DMD: variants seen among roughly 807,000 people sequenced by gnomAD.
DMD encodes mutant dystrophin.
Under a neutral mutation model 330.1 loss-of-function variants are expected in DMD, and 63 were observed. The ratio of observed to expected loss-of-function variants is 0.19; its 90% confidence interval spans 0.16 to 0.24. DMD has a LOEUF of 0.24. DMD is among the 10% of genes least tolerant of loss of function. The pLI is 1.00. For synonymous variants in DMD, 1,223 were observed against 959.8 expected (o/e 1.27, Z -5.07); for missense variants, 3,344 against 2,684.1 (o/e 1.25, Z -5.43).
chrX:31,689,199 T>C (rs2082924165), intron 52 of DMD, among the ~76,000 whole-genome samples: 2 of 112,017 alleles, frequency 1.8e-5, no homozygotes, highest in Non-Finnish European at 3.8e-5. Flanking sequence ...GCAGACGACA[T>C]GATTGTATAT....
At chrX:32,189,468 G>C (rs930009945) in intron 44 of DMD, among the ~76,000 whole-genome samples, 1 of 109,950 alleles carries the variant, frequency 9.1e-6, no homozygotes, top group Non-Finnish European at 1.9e-5. Flanking sequence ...GTCCATAGCT[G>C]CTTCCAATGC....
At chrX:32,523,833 T>C (rs1215427647) in intron 17 of DMD, among the ~76,000 whole-genome samples, 1 of 111,728 alleles carries the variant, frequency 9.0e-6, no homozygotes, top group Non-Finnish European at 1.9e-5. Flanking sequence ...TGCATGTTGA[T>C]GTAACTGTTA....
intron 51 of DMD, among the ~76,000 whole-genome samples, chrX:31,744,092 T>C (rs758043467): frequency 2.7e-5 from 3 of 111,354 alleles, no homozygotes; most frequent in African/African-American, 6.5e-5. Context: ...GGTCTCAAAC[T>C]TCTGGGCTAA....
intron 48 of DMD, among the ~76,000 whole-genome samples, chrX:31,849,682 T>C (rs1362225017): frequency 9.0e-6 from 1 of 110,561 alleles, no homozygotes; most frequent in East Asian, 2.8e-4. Context: ...GGAATGGCAC[T>C]TATGTTTTCC....
Position 32,614,294 on chromosome X carries a change from T to A in DMD, c.1482+9A>T. The A allele has an allele frequency of 8.3e-7, 1 of 1,208,224 alleles. No homozygotes were observed. The highest frequency in any genetic ancestry group is 1.1e-6 in the Non-Finnish European group (1 of 893,516). On this transcript the variant is annotated intron_variant, in intron 12 of 78. Transcript: ENST00000357033. ...CTAGTAGAAAGCACGCAACATAAGA[T>A]ACACCTACCTTATGTTGTTGTACTT... is the stretch of plus-strand genomic sequence containing the variant.
chrX:33,319,999 CTG>C, intron 1 of DMD, among the ~76,000 whole-genome samples: 1 of 111,661 alleles, frequency 9.0e-6, no homozygotes, highest in East Asian at 2.8e-4. Flanking sequence ...AGTTAGATGA[CTG>C]TATGGAATTT....
At chrX:31,197,510 T>G (rs775283665) in intron 67 of DMD, among the ~76,000 whole-genome samples, 7 of 112,471 alleles carry the variant, frequency 6.2e-5, no homozygotes, top group Non-Finnish European at 1.3e-4. Flanking sequence ...CATTCTACAT[T>G]ATTACAACAA....
intron 57 of DMD, among the ~76,000 whole-genome samples, chrX:31,486,362 T>A (rs1295685614): frequency 1.8e-5 from 2 of 112,175 alleles, no homozygotes; most frequent in East Asian, 5.6e-4. Flanking sequence ...GACTCATGAA[T>A]CATAAGTGAA....
chrX:33,211,138 C>T, intron 1 of DMD, 144 bp downstream of exon 1: 1 of 629,328 alleles, frequency 1.6e-6, no homozygotes, highest in Non-Finnish European at 2.4e-6. Context: ...TGAATAAATA[C>T]ATATATATAT....
At chrX:33,125,888 G>A (rs751525216) in intron 1 of DMD, among the ~76,000 whole-genome samples, 5 of 110,634 alleles carry the variant, frequency 4.5e-5, no homozygotes, top group African/African-American at 9.8e-5. Flanking sequence ...GGGAGAAATC[G>A]CAGAGAATAA....
At chrX:32,363,902 C>T (rs2097845595) in intron 36 of DMD, among the ~76,000 whole-genome samples, 1 of 111,428 alleles carries the variant, frequency 9.0e-6, no homozygotes, top group Admixed American at 9.5e-5. Flanking sequence ...TCAACTCTAC[C>T]TATTTAATTG....
rs779286449 is a variant in DMD, at chrX:33,064,093, T to C, written c.32-43893A>G. Among the ~76,000 whole-genome samples the C allele has an allele frequency of 1.1e-4, 12 of 111,545 alleles. No individual in the cohort carries two copies. In the East Asian group the frequency reaches 3.1e-3, roughly 29 times the overall value. On this transcript the variant is annotated intron_variant, in intron 1 of 78. Coordinates refer to ENST00000357033, the MANE Select transcript of DMD (RefSeq NM_004006.3). ...AGATTCATGCCCATATATACATATA[T>C]ATGCACATATATACTTCAAACTCAT...
intron 50 of DMD, among the ~76,000 whole-genome samples, chrX:31,774,833 C>A (rs981249539): frequency 2.7e-5 from 3 of 111,457 alleles, no homozygotes; most frequent in African/African-American, 9.8e-5. Flanking sequence ...CTTAAAAATG[C>A]GAGTTAGTAG....
In DMD at chrX:32,362,875, A is replaced by G. The variant is rs2147233588; in HGVS notation, c.5238T>C (p.Gly1746=). ...GCTCTACTAATTTCCTGCAGTGGTC[A>G]CCGCGGTTTGCCATCAAGTTTGCTG... The part of the protein sequence containing the change: ...DQAANLMANR[G]DHCRKLVEPQ... Residue 1746 remains glycine, a synonymous_variant, in exon 37 of 79, where the codon GGT becomes GGC. Coordinates refer to ENST00000357033, the MANE Select transcript of DMD (RefSeq NM_004006.3). 2 of 1,210,736 alleles carry G rather than the reference A, an allele frequency of 1.7e-6. No individual in the cohort carries two copies. The highest frequency in any genetic ancestry group is 2.2e-6 in the Non-Finnish European group (2 of 894,917).
intron 60 of DMD, among the ~76,000 whole-genome samples, chrX:31,407,403 T>G (rs965237881): frequency 3.8e-4 from 42 of 109,682 alleles, no homozygotes; most frequent in African/African-American, 1.3e-3. Context: ...TGACCTCAGG[T>G]GATCCACCCA....
At chrX:31,461,663 T>C (rs2066533844) in intron 59 of DMD, among the ~76,000 whole-genome samples, 1 of 111,591 alleles carries the variant, frequency 9.0e-6, no homozygotes, top group Non-Finnish European at 1.9e-5. Flanking sequence ...AAGCTATTCA[T>C]GGTAGGGTGG....
At chrX:33,300,153 T>A (rs1405286987) in intron 1 of DMD, among the ~76,000 whole-genome samples, 2 of 112,423 alleles carry the variant, frequency 1.8e-5, no homozygotes, top group East Asian at 5.6e-4. Context: ...ATGAGTTTTA[T>A]CATTGCTTTT....
chrX:31,179,876 A>T (rs1463637797), intron 69 of DMD, among the ~76,000 whole-genome samples: 1 of 112,119 alleles, frequency 8.9e-6, no homozygotes, highest in Non-Finnish European at 1.9e-5. Context: ...TACACAGGGT[A>T]GTTTAAAAGG....
chrX:33,149,460 C>A (rs868099672), intron 1 of DMD, among the ~76,000 whole-genome samples: 6 of 112,446 alleles, frequency 5.3e-5, no homozygotes, highest in Non-Finnish European at 5.6e-5. Context: ...TGCTGTGCAG[C>A]TGGGTTCCTC....
Sources: gnomAD v4.1 joint callset for allele counts (sites outside exome capture counted in the v4.1 genomes callset) on GRCh38, gnomAD v4.1.1 for gene constraint, MANE v1.5 for transcripts, NCBI Gene and HGNC (gene_info 2026-07-23, HGNC 2026-07-21) for gene names.